RPGRIP1L: variants seen among roughly 807,000 people sequenced by gnomAD.
RPGRIP1L encodes protein fantom.
A neutral mutation model predicts 160.4 loss-of-function variants in RPGRIP1L; 131 were observed. The observed-to-expected ratio is 0.82, with a 90% CI of 0.71 to 0.94. The LOEUF is 0.94. Ranked by LOEUF, RPGRIP1L falls within the 40% of genes least tolerant of loss-of-function variation. The pLI, the probability that RPGRIP1L is intolerant of heterozygous loss-of-function variation, is 0.00. For synonymous variants in RPGRIP1L, 510 were observed against 515.8 expected, an observed-to-expected ratio of 0.99 and a Z score of 0.15; for missense variants, 1,522 against 1,535.8, an observed-to-expected ratio of 0.99 and a Z score of 0.15.
intron 16 of RPGRIP1L, among the ~76,000 whole-genome samples, chr16:53,646,801 G>A (rs1219457643): frequency 1.3e-5 from 2 of 152,296 alleles, no homozygotes; most frequent in East Asian, 3.9e-4. Flanking sequence ...TCTGGATTGA[G>A]CATCTGGGAC....
intron 22 of RPGRIP1L, among the ~76,000 whole-genome samples, chr16:53,633,977 A>G (rs1264077555): frequency 1.3e-5 from 2 of 152,212 alleles, no homozygotes; most frequent in African/African-American, 4.8e-5. Flanking sequence ...GTGCTGCTAC[A>G]ACAAAGTATC....
intron 2 of RPGRIP1L, among the ~76,000 whole-genome samples, chr16:53,697,859 C>T (rs1478432641): frequency 6.6e-6 from 1 of 151,598 alleles, no homozygotes; most frequent in East Asian, 2.0e-4. Context: ...TGCCTGGCTG[C>T]CCAGTCTGGA....
At chr16:53,701,635 T>C (rs142748847) in intron 1 of RPGRIP1L, 53 of 151,904 alleles carry the variant, frequency 3.5e-4, no homozygotes, top group African/African-American at 1.3e-3. Flanking sequence ...TCTAGGATAT[T>C]GGTTCTAGAA....
chr16:53,639,207 G>A (rs1351603250), intron 19 of RPGRIP1L, among the ~76,000 whole-genome samples: 1 of 151,220 alleles, frequency 6.6e-6, no homozygotes, highest in Non-Finnish European at 1.5e-5. Flanking sequence ...AAGTAAACAT[G>A]GCCAATATAG....
At position 53,670,890 on chromosome 16, in the gene RPGRIP1L, T is replaced by C. The variant is rs144800697; in HGVS notation, c.1103+620A>G. On this transcript the variant is annotated intron_variant, in intron 9 of 26. Transcript: ENST00000647211. ...CAGGAGGATCACTTGAGCCCAGGAGTTCAAGATCAGCCTGAGCAACATAGA... is the reference window on the plus strand; with the variant it reads ...CAGGAGGATCACTTGAGCCCAGGAGCTCAAGATCAGCCTGAGCAACATAGA... Among the ~76,000 whole-genome samples, 915 of 151,908 alleles carry C rather than the reference T, an allele frequency of 6.0e-3. 4 individuals carry two copies. Among genetic ancestry groups the C allele is most frequent in the Non-Finnish European group, 8.9e-3 (602 of 67,926 alleles).
intron 10 of RPGRIP1L, 53 bp from the exon 11 acceptor site, chr16:53,658,931 G>T: frequency 8.7e-7 from 1 of 1,155,698 alleles, no homozygotes; most frequent in Non-Finnish European, 1.3e-6. Flanking sequence ...CAGGTTTAAG[G>T]ACACATTTCA....
chr16:53,665,514 C>T (rs1024636127), intron 9 of RPGRIP1L, among the ~76,000 whole-genome samples: 6 of 151,802 alleles, frequency 4.0e-5, no homozygotes, highest in Non-Finnish European at 8.8e-5. Context: ...ACAATACCTC[C>T]GATATTGATT....
chr16:53,639,528 A>G (rs1355626235), intron 19 of RPGRIP1L, among the ~76,000 whole-genome samples: 1 of 152,084 alleles, frequency 6.6e-6, no homozygotes, highest in Non-Finnish European at 1.5e-5. Flanking sequence ...ACATTTAACT[A>G]GTTCACAGTT....
intron 17 of RPGRIP1L, among the ~76,000 whole-genome samples, chr16:53,643,982 A>G (rs1286177369): frequency 6.6e-6 from 1 of 152,248 alleles, no homozygotes; most frequent in Non-Finnish European, 1.5e-5. Context: ...GTGTGTTTAA[A>G]TAATTAAAAG....
In RPGRIP1L at chr16:53,697,022, C is replaced by G. The variant is rs545726692; in HGVS notation, c.86-727G>C. Among the ~76,000 whole-genome samples the G allele has an allele frequency of 1.4e-3, 215 of 152,028 alleles. 1 individual carries two copies. Among genetic ancestry groups the G allele is most frequent in the Middle Eastern group, 6.8e-3 (2 of 294 alleles). On this transcript the variant is annotated intron_variant, in intron 2 of 26. Transcript: ENST00000647211. ...CAGCCTGGCCAACATGGTGAAACCCCGTCTCTACTAAAAATACGAAACTTA... is the reference window on the plus strand; with the variant it reads ...CAGCCTGGCCAACATGGTGAAACCCGGTCTCTACTAAAAATACGAAACTTA...
Position 53,699,386 on chromosome 16 carries a change from TAA to T in RPGRIP1L, c.85+1251_85+1252del, listed in dbSNP as rs10652484. Among the ~76,000 whole-genome samples the T allele has an allele frequency of 4.1e-3, 320 of 77,436 alleles. 2 individuals carry two copies. The highest frequency in any genetic ancestry group is 0.012 in the African/African-American group (250 of 21,244). The allele number at this position is 77,436 out of a possible 152,430, so 50.8% of individuals were successfully genotyped here. A position where few individuals can be genotyped will look rare whatever the true frequency, so the allele number is the denominator to read the frequency against. ...GTGAGAAACACCCAAGAATGATCAA[TAA>T]AAAAAAAAAAAAAAAAAAAAAAATT... On this transcript the variant is annotated intron_variant, in intron 2 of 26. Coordinates refer to ENST00000647211, the MANE Select transcript of RPGRIP1L (RefSeq NM_015272.5).
intron 2 of RPGRIP1L, among the ~76,000 whole-genome samples, chr16:53,697,174 C>T (rs930729886): frequency 6.8e-5 from 10 of 147,856 alleles, no homozygotes; most frequent in Non-Finnish European, 1.2e-4. Flanking sequence ...GGTGAGAGAG[C>T]GAGACTCTGT....
At chr16:53,640,769 T>G (rs1262438088) in intron 19 of RPGRIP1L, among the ~76,000 whole-genome samples, 1 of 151,920 alleles carries the variant, frequency 6.6e-6, no homozygotes, top group African/African-American at 2.4e-5. Flanking sequence ...TTAGACAATT[T>G]TTTGAAGACT....
chr16:53,657,008 G>A (rs1453286335), intron 13 of RPGRIP1L, among the ~76,000 whole-genome samples: 2 of 152,080 alleles, frequency 1.3e-5, no homozygotes, highest in Non-Finnish European at 2.9e-5. Flanking sequence ...TTGGGAGGCC[G>A]AGGTGGGTGG....
At chr16:53,631,046 T>A (rs1347356801) in intron 22 of RPGRIP1L, among the ~76,000 whole-genome samples, 1 of 152,156 alleles carries the variant, frequency 6.6e-6, no homozygotes, top group Non-Finnish European at 1.5e-5. Flanking sequence ...TAAAATATAT[T>A]TTAAAACCTA....
rs565519848 is a variant in RPGRIP1L at position 53,598,845 on chromosome 16, T to G, written c.*3231A>C. 1 of 152,368 alleles carries G rather than the reference T, an allele frequency of 6.6e-6. No homozygotes were observed. The highest frequency in any genetic ancestry group is 1.9e-4 in the East Asian group (1 of 5,190). 9.4% of individuals were successfully genotyped at this position (152,368 alleles called of 1,614,324 possible). ...GATATTGTCAATCACTTGATAATTT[T>G]TATCCCAAAATCTCTCTCCTGGTTG... On this transcript the variant is annotated 3_prime_UTR_variant, in exon 27 of 27. Transcript: ENST00000647211.
At chr16:53,665,395 A>T (rs1221827441) in intron 9 of RPGRIP1L, among the ~76,000 whole-genome samples, 2 of 152,204 alleles carry the variant, frequency 1.3e-5, no homozygotes, top group African/African-American at 4.8e-5. Flanking sequence ...AATACAGAGA[A>T]AATGGACTTT....
intron 4 of RPGRIP1L, 67 bp downstream of exon 4, chr16:53,691,999 T>C (rs1240255972): frequency 2.7e-6 from 4 of 1,473,984 alleles, no homozygotes; most frequent in African/African-American, 2.8e-5. Flanking sequence ...AGTAAAACTT[T>C]GTGTTTTTTT....
intron 23 of RPGRIP1L, among the ~76,000 whole-genome samples, 182 bp from the exon 24 acceptor site, chr16:53,619,390 T>C: frequency 6.6e-6 from 1 of 152,202 alleles, no homozygotes; most frequent in East Asian, 1.9e-4. Flanking sequence ...AGACACAGAA[T>C]GAGATGCTAA....
Sources: allele counts gnomAD v4.1 joint callset (sites outside exome capture counted in the v4.1 genomes callset), GRCh38; gene constraint gnomAD v4.1.1; transcripts MANE v1.5; gene names NCBI Gene and HGNC (gene_info 2026-07-23, HGNC 2026-07-21).